The following DOCK1 variants were observed in gnomAD, a reference collection of about 807,000 sequenced individuals.
DOCK1 encodes dedicator of cytokinesis 1.
A neutral mutation model predicts 262.7 loss-of-function variants in DOCK1; 138 were observed. That is an observed-to-expected ratio of 0.53 (90% CI 0.46 to 0.61). DOCK1 has a LOEUF of 0.61. Among genes scored for constraint, DOCK1 ranks in the 20% least tolerant of loss-of-function variants. The pLI, the probability that DOCK1 is intolerant of heterozygous loss-of-function variation, is 0.00. For synonymous variants in DOCK1, 866 were observed against 867.4 expected, an observed-to-expected ratio of 1.00 and a Z score of 0.03; for missense variants, 1,908 against 2,370.7, an observed-to-expected ratio of 0.80 and a Z score of 4.05.
intron 27 of DOCK1, among the ~76,000 whole-genome samples, chr10:127,129,228 C>G (rs771034242): frequency 6.6e-6 from 1 of 151,792 alleles, no homozygotes; most frequent in Non-Finnish European, 1.5e-5. Context: ...TGTCTTAGAG[C>G]TTCAGCACAT....
chr10:127,449,387 C>T (rs1027892578), intron 51 of DOCK1, among the ~76,000 whole-genome samples: 1 of 107,416 alleles, frequency 9.3e-6, no homozygotes, highest in South Asian at 3.3e-4. Context: ...CTTAGAATTA[C>T]AGCCAATTCC....
At chr10:127,076,640 C>A (rs1025124338) in intron 23 of DOCK1, among the ~76,000 whole-genome samples, 3 of 152,196 alleles carry the variant, frequency 2.0e-5, no homozygotes, top group Admixed American at 6.5e-5. Flanking sequence ...CTGCATCCCC[C>A]ACCCCAGCAC....
intron 49 of DOCK1, among the ~76,000 whole-genome samples, chr10:127,441,713 A>G (rs2070158838): frequency 1.3e-5 from 1 of 76,742 alleles, no homozygotes; most frequent in South Asian, 4.5e-4. Context: ...CCCCCACTGT[A>G]GTGTCCTCCT....
intron 7 of DOCK1, chr10:126,997,809 C>CT: frequency 2.8e-6 from 1 of 361,754 alleles, no homozygotes; most frequent in Non-Finnish European, 5.1e-6. Context: ...AATTAAATAA[C>CT]TACACATATA....
At chr10:127,296,961 A>C (rs1361602083) in intron 29 of DOCK1, among the ~76,000 whole-genome samples, 1 of 152,166 alleles carries the variant, frequency 6.6e-6, no homozygotes, top group Non-Finnish European at 1.5e-5. Flanking sequence ...GCCTGTGTCA[A>C]GTGTTCTGAA....
chr10:127,025,470 G>A lies in DOCK1; in HGVS notation c.1551+687G>A, dbSNP rs143465393. Among the ~76,000 whole-genome samples, 61 of 151,914 alleles carry A rather than the reference G, an allele frequency of 4.0e-4. No homozygotes were observed. In the East Asian group the frequency reaches 0.011, roughly 28 times the overall value. On this transcript the variant is annotated intron_variant, in intron 15 of 51. Transcript: ENST00000623213. ...ACGGCAACTTTTCTTTTTTTGAGAC[G>A]GAGTCTCATTCTGTCACCCAGACTG...
chr10:127,161,606 C>T (rs1047769008), intron 27 of DOCK1, among the ~76,000 whole-genome samples: 22 of 152,172 alleles, frequency 1.4e-4, no homozygotes, highest in Admixed American at 6.5e-4. Context: ...TTTGGGATGT[C>T]GAACAGGGGT....
At chr10:127,429,497 A>G (rs1591025295) in intron 47 of DOCK1, among the ~76,000 whole-genome samples, 2 of 152,318 alleles carry the variant, frequency 1.3e-5, no homozygotes, top group African/African-American at 4.8e-5. Context: ...TGTTTGCAAA[A>G]AAGATGGATT....
At chr10:127,424,755 G>T (rs2068716145) in intron 46 of DOCK1, among the ~76,000 whole-genome samples, 1 of 152,210 alleles carries the variant, frequency 6.6e-6, no homozygotes, top group Non-Finnish European at 1.5e-5. Context: ...AAATCTCTCT[G>T]TATGCTGTCC....
At chr10:127,345,029 C>A (rs1474368484) in intron 31 of DOCK1, among the ~76,000 whole-genome samples, 1 of 152,198 alleles carries the variant, frequency 6.6e-6, no homozygotes, top group African/African-American at 2.4e-5. Context: ...TGGTACATTA[C>A]AAACATGTTG....
intron 23 of DOCK1, among the ~76,000 whole-genome samples, chr10:127,090,773 G>A (rs1250787179): frequency 6.6e-6 from 1 of 152,076 alleles, no homozygotes; most frequent in African/African-American, 2.4e-5. Context: ...TTGGTATATG[G>A]CTTCTTTTAC....
chr10:127,091,543 G>C (rs1199210593), intron 23 of DOCK1, among the ~76,000 whole-genome samples: 1 of 152,206 alleles, frequency 6.6e-6, no homozygotes, highest in Non-Finnish European at 1.5e-5. Context: ...TGGGGATCAA[G>C]GTCCAAGGAA....
At chr10:127,265,611 A>G (rs1362167332) in intron 29 of DOCK1, among the ~76,000 whole-genome samples, 1 of 152,216 alleles carries the variant, frequency 6.6e-6, no homozygotes, top group Non-Finnish European at 1.5e-5. Flanking sequence ...CCAGCCTGCC[A>G]TATATGATGT....
intron 18 of DOCK1, among the ~76,000 whole-genome samples, chr10:127,033,728 A>G (rs1281724935): frequency 6.6e-6 from 1 of 152,214 alleles, no homozygotes; most frequent in African/African-American, 2.4e-5. Flanking sequence ...GGACAAAAGT[A>G]AAGCCATTGT....
chr10:127,368,217 G>C (rs2065030238), intron 33 of DOCK1, among the ~76,000 whole-genome samples: 1 of 152,214 alleles, frequency 6.6e-6, no homozygotes, highest in East Asian at 1.9e-4. Flanking sequence ...GCTGACCTAA[G>C]GCACTCACTG....
At chr10:127,169,774 G>A (rs1242636085) in intron 27 of DOCK1, among the ~76,000 whole-genome samples, 5 of 152,172 alleles carry the variant, frequency 3.3e-5, no homozygotes, top group Non-Finnish European at 4.4e-5. Flanking sequence ...AGATGTCCAT[G>A]AGACTAAGTC....
At chr10:127,140,447 C>T (rs2051119963) in intron 27 of DOCK1, among the ~76,000 whole-genome samples, 1 of 152,160 alleles carries the variant, frequency 6.6e-6, no homozygotes, top group Non-Finnish European at 1.5e-5. Context: ...TGAGGTCCGC[C>T]CCCCAGCCCA....
chr10:127,001,801 G>A (rs1388741949), intron 10 of DOCK1, among the ~76,000 whole-genome samples: 1 of 152,184 alleles, frequency 6.6e-6, no homozygotes, highest in Non-Finnish European at 1.5e-5. Context: ...AAAATGGTGA[G>A]GGTGAGGTGT....
chr10:126,931,808 C>T (rs1339047280), intron 1 of DOCK1, among the ~76,000 whole-genome samples: 4 of 152,100 alleles, frequency 2.6e-5, no homozygotes, highest in African/African-American at 7.2e-5. Flanking sequence ...CCCTGCTCTC[C>T]CTGGGCTTCG....
Sources: allele counts gnomAD v4.1 joint callset (sites outside exome capture counted in the v4.1 genomes callset), GRCh38; gene constraint gnomAD v4.1.1; transcripts MANE v1.5; gene names NCBI Gene and HGNC (gene_info 2026-07-23, HGNC 2026-07-21).